Variants in EBF4 observed in about 807,000 individuals in gnomAD.
The protein encoded by EBF4 is transcription factor COE4.
A neutral mutation model predicts 67.1 loss-of-function variants in EBF4; 34 were observed. The observed-to-expected ratio is 0.51, with a 90% CI of 0.39 to 0.67. The LOEUF is 0.67. EBF4 is among the 30% of genes least tolerant of loss of function. EBF4 has a pLI of 0.00. For missense variants in EBF4, 837 were observed against 873.3 expected (o/e 0.96, Z 0.52); for synonymous variants, 387 against 377.7 (o/e 1.02, Z -0.29).
At chr20:2,693,448 G>A (rs2087240507), upstream of EBF4, 2 of 488,466 alleles carry the variant, frequency 4.1e-6, no homozygotes, top group Admixed American at 4.4e-5. This position sits in a 1 kb window ranked among gnomAD's most constrained non-coding sequence, Gnocchi z 4.6. Context: ...CCCCAGGAGG[G>A]GAGGGGACAG....
At chr20:2,703,873 G>A (rs934351349) in intron 1 of EBF4, among the ~76,000 whole-genome samples, 1 of 152,280 alleles carries the variant, frequency 6.6e-6, no homozygotes, top group East Asian at 1.9e-4. Context: ...AGCTGGGGCC[G>A]CAGTCGTCTG....
At chr20:2,733,461 G>T (rs2087841024) in intron 6 of EBF4, among the ~76,000 whole-genome samples, 1 of 151,974 alleles carries the variant, frequency 6.6e-6, no homozygotes, top group Non-Finnish European at 1.5e-5. Flanking sequence ...TTTCATTACT[G>T]AGCACATTTA....
At chr20:2,738,448 C>T (rs1413288862) in intron 6 of EBF4, among the ~76,000 whole-genome samples, 1 of 152,150 alleles carries the variant, frequency 6.6e-6, no homozygotes, top group Non-Finnish European at 1.5e-5. Context: ...CCTGCATTGA[C>T]AGAAGACTCC....
intron 6 of EBF4, among the ~76,000 whole-genome samples, chr20:2,713,299 G>A (rs2087567154): frequency 6.6e-6 from 1 of 152,194 alleles, no homozygotes; most frequent in Non-Finnish European, 1.5e-5. Flanking sequence ...GAAAAGCAGG[G>A]AAGACAGAGA....
chr20:2,709,367 C>T (rs1386711433), intron 5 of EBF4, among the ~76,000 whole-genome samples: 1 of 152,088 alleles, frequency 6.6e-6, no homozygotes, highest in African/African-American at 2.4e-5. Flanking sequence ...AGCCTCATCC[C>T]CAGGCTAGGC....
intron 6 of EBF4, among the ~76,000 whole-genome samples, chr20:2,714,571 C>G (rs868577154): frequency 6.6e-6 from 1 of 152,136 alleles, no homozygotes; most frequent in African/African-American, 2.4e-5. Flanking sequence ...AGGCTGGTCT[C>G]GAGCTCCTGG....
In EBF4 at chr20:2,747,970, C is replaced by T. The variant is rs1411215272; in HGVS notation, c.558-579C>T. On this transcript the variant is annotated intron_variant, in intron 6 of 16. Transcript: ENST00000609451. The surrounding 1 kb of genome is among the most constrained non-coding windows in gnomAD (Gnocchi z 4.6). The stretch of plus-strand genomic sequence containing the variant: ...GCTGTATTTTGTGAGTAATAGTATC[C>T]AAGGCATAAACAGTGTCTACAAAGA... Among the ~76,000 whole-genome samples the T allele has an allele frequency of 6.6e-6, 1 of 151,960 alleles. No homozygotes were observed. Among genetic ancestry groups the T allele is most frequent in the Non-Finnish European group, 1.5e-5 (1 of 67,996 alleles).
Position 2,693,580 on chromosome 20 carries a change from A to T in EBF4, c.-66A>T. ...TGGTGCCGTCGGGTCGGGCTGAGCT[A>T]GACGCCCGCAGCCTCAGCGGGACCG... is the stretch of plus-strand genomic sequence containing the variant. On this transcript the variant is annotated 5_prime_UTR_variant, in exon 1 of 17. Transcript: ENST00000609451. This position sits in a 1 kb window ranked among gnomAD's most constrained non-coding sequence, Gnocchi z 4.6. The T allele has an allele frequency of 7.6e-7, 1 of 1,321,684 alleles. No individual in the cohort carries two copies. Among genetic ancestry groups the T allele is most frequent in the African/African-American group, 1.5e-5 (1 of 64,910 alleles). The allele number at this position is 1,321,684 out of a possible 1,614,324, so 81.9% of individuals were successfully genotyped here.
intron 6 of EBF4, among the ~76,000 whole-genome samples, chr20:2,735,603 T>A (rs2087867004): frequency 6.6e-6 from 1 of 152,224 alleles, no homozygotes; most frequent in South Asian, 2.1e-4. Context: ...GTAATTGTTA[T>A]TTCTTACCTG....
At chr20:2,692,992 C>A, upstream of EBF4, 1 of 44,504 alleles carries the variant, frequency 2.2e-5, no homozygotes, top group South Asian at 5.7e-4. This position sits in a 1 kb window ranked among gnomAD's most constrained non-coding sequence, Gnocchi z 6.4. Context: ...GACGCCGGGG[C>A]ACGCGGGGCG....
chr20:2,735,029 C>G (rs549702170), intron 6 of EBF4, among the ~76,000 whole-genome samples: 3 of 151,600 alleles, frequency 2.0e-5, no homozygotes, highest in African/African-American at 4.9e-5. Context: ...CCCACTTTTT[C>G]CTTTAAAATA....
rs1421045027 is a variant in EBF4, at chr20:2,755,979, C to T, written c.1738+155C>T. ...GGAGAGCAGGGAGCTCTGCTGGGGT[C>T]CAGGGAGGTCCCTCTGGCCCCCTCT... On this transcript the variant is annotated intron_variant, in intron 15 of 16. Coordinates refer to ENST00000609451, the Ensembl canonical transcript of EBF4. This position sits in a 1 kb window ranked among gnomAD's most constrained non-coding sequence, Gnocchi z 4.7. 6.6e-6 allele frequency among the ~76,000 whole-genome samples: 1 copy of T among 152,328 alleles called. No individual in the cohort carries two copies.
At chr20:2,750,051 G>T in intron 10 of EBF4, 78 bp downstream of exon 10, 1 of 1,470,738 alleles carries the variant, frequency 6.8e-7, no homozygotes, top group Non-Finnish European at 9.0e-7. Context: ...TCCGTTCTTG[G>T]TGATAGGAGT....
intron 1 of EBF4, among the ~76,000 whole-genome samples, chr20:2,704,967 G>A (rs1023145431): frequency 5.3e-5 from 8 of 152,226 alleles, no homozygotes; most frequent in Non-Finnish European, 7.3e-5. Context: ...GGGAGCCTGT[G>A]GTTGTCTCTC....
chr20:2,746,598 A>G (rs917057047), intron 6 of EBF4, among the ~76,000 whole-genome samples: 1 of 152,076 alleles, frequency 6.6e-6, no homozygotes, highest in Non-Finnish European at 1.5e-5. Flanking sequence ...CTTTTTGGGG[A>G]CTGGGCTTTC....
intron 6 of EBF4, among the ~76,000 whole-genome samples, chr20:2,714,850 C>T (rs994014121): frequency 2.0e-5 from 3 of 151,982 alleles, no homozygotes; most frequent in African/African-American, 7.3e-5. Context: ...CTTTATCACT[C>T]CAATATTATT....
chr20:2,742,334 G>A (rs1042797381), intron 6 of EBF4, among the ~76,000 whole-genome samples: 2 of 152,218 alleles, frequency 1.3e-5, no homozygotes, highest in Admixed American at 6.5e-5. Context: ...ACTCAGCAGC[G>A]TTCTGGGCAG....
At chr20:2,701,933 A>G (rs16988053) in intron 1 of EBF4, among the ~76,000 whole-genome samples, 16,287 of 152,184 alleles carry the variant, frequency 0.11, 940 homozygotes, top group Admixed American at 0.14. Context: ...ATATTCATCA[A>G]CAGTAATCAG....
intron 6 of EBF4, among the ~76,000 whole-genome samples, chr20:2,733,557 G>A (rs932723959): frequency 7.9e-5 from 12 of 152,022 alleles, no homozygotes; most frequent in African/African-American, 2.9e-4. Flanking sequence ...ACATATACTG[G>A]TATGCTTGAT....
Sources: gnomAD v4.1 joint callset for allele counts (sites outside exome capture counted in the v4.1 genomes callset) on GRCh38, gnomAD v4.1.1 for gene constraint, Gnocchi (gnomAD v3.1) non-coding constraint, MANE v1.5 for transcripts, NCBI Gene and HGNC (gene_info 2026-07-23, HGNC 2026-07-21) for gene names.